Variants in ROS1 observed in about 807,000 individuals in gnomAD.
The protein encoded by ROS1 is proto-oncogene tyrosine-protein kinase ROS.
ROS1 carries 263 observed loss-of-function variants against 273.5 expected under a neutral mutation model. The observed-to-expected ratio is 0.96, with a 90% CI of 0.87 to 1.06. ROS1 has a LOEUF of 1.06. ROS1 is among the 50% of genes least tolerant of loss of function. The pLI is 0.00. For synonymous variants in ROS1, 1,008 were observed against 954.1 expected, an observed-to-expected ratio of 1.06 and a Z score of -1.04; for missense variants, 2,833 against 2,751.1, an observed-to-expected ratio of 1.03 and a Z score of -0.67.
chr6:117,391,277 T>C (rs1484489716), intron 12 of ROS1, among the ~76,000 whole-genome samples: 2 of 152,222 alleles, frequency 1.3e-5, no homozygotes, highest in African/African-American at 4.8e-5. Context: ...TTTTGTTTCC[T>C]AAATTCAAAA....
intron 23 of ROS1, 143 bp from the exon 24 acceptor site, chr6:117,360,154 A>G (rs1779669435): frequency 1.3e-6 from 1 of 775,962 alleles, no homozygotes; most frequent in Admixed American, 2.7e-5. Context: ...ATAACCTTGT[A>G]GGCTCTCTAC....
intron 18 of ROS1, among the ~76,000 whole-genome samples, chr6:117,373,980 G>T (rs1297779557): frequency 1.3e-5 from 2 of 152,214 alleles, no homozygotes; most frequent in Non-Finnish European, 2.9e-5. Context: ...ACTGCTGAAA[G>T]AAATCATAGA....
chr6:117,383,618 AC>A, intron 16 of ROS1, 110 bp from the exon 17 acceptor site: 2 of 867,284 alleles, frequency 2.3e-6, no homozygotes, highest in Non-Finnish European at 3.7e-6. Flanking sequence ...CATTCATTCA[AC>A]CACAAATAGT....
rs1404701119 is a variant in ROS1 at position 117,288,202 on chromosome 6, C to T, written c.*290G>A. On this transcript the variant is annotated 3_prime_UTR_variant, in exon 44 of 44. Coordinates refer to ENST00000368507, the MANE Select transcript of ROS1 (RefSeq NM_001378902.1). ...AAAGGTGGGTAAGAGCCTAAAGCACCTCAAGGGAGAAGGGAGAGCAGTGTT... is the reference window on the plus strand; with the variant it reads ...AAAGGTGGGTAAGAGCCTAAAGCACTTCAAGGGAGAAGGGAGAGCAGTGTT... 4.2e-5 allele frequency: 18 copies of T among 426,154 alleles called. No homozygotes were observed. The highest frequency in any genetic ancestry group is 7.5e-5 in the Non-Finnish European group (18 of 239,786). 26.4% of individuals were successfully genotyped at this position (426,154 alleles called of 1,614,324 possible).
intron 27 of ROS1, among the ~76,000 whole-genome samples, chr6:117,345,060 A>G (rs1031668419): frequency 6.6e-6 from 1 of 152,242 alleles, no homozygotes; most frequent in African/African-American, 2.4e-5. Flanking sequence ...TGATTTTAAT[A>G]TGAAATCTAA....
intron 29 of ROS1, 108 bp downstream of exon 29, chr6:117,342,292 C>T (rs909801176): frequency 3.3e-5 from 36 of 1,095,442 alleles, no homozygotes; most frequent in Non-Finnish European, 4.6e-5. Flanking sequence ...CTTAAAAAAG[C>T]TTACTAAAAT....
At position 117,310,275 on chromosome 6, in the gene ROS1, C is replaced by A. The variant is rs1775439222; in HGVS notation, c.6222G>T (p.Leu2074=). The A allele has an allele frequency of 6.2e-7, 1 of 1,603,556 alleles. No homozygotes were observed. Among genetic ancestry groups the A allele is most frequent in the Admixed American group, 1.7e-5 (1 of 59,386 alleles). The change falls in exon 41 of 44, where the codon CTG becomes CTT. Residue 2074 remains leucine, a synonymous_variant. Coordinates refer to ENST00000368507, the MANE Select transcript of ROS1 (RefSeq NM_001378902.1). ...LERMHFIHRD[L]AARNCLVSVK... is the part of the protein sequence containing the mutation. ...CGGAAACAAGGCAATTTCTAGCTGC[C>A]AGATCCCTGTGGCAGAAGTTATATT... is the stretch of plus-strand genomic sequence containing the variant.
At chr6:117,346,870 T>C (rs1778421685) in intron 27 of ROS1, among the ~76,000 whole-genome samples, 1 of 152,110 alleles carries the variant, frequency 6.6e-6, no homozygotes, top group African/African-American at 2.4e-5. Context: ...ATAGTTCCAC[T>C]GCCTTCAAAG....
intron 32 of ROS1, among the ~76,000 whole-genome samples, chr6:117,330,587 C>G (rs1011732787): frequency 3.3e-5 from 5 of 152,134 alleles, no homozygotes; most frequent in African/African-American, 1.2e-4. Flanking sequence ...GGTTGGTGCC[C>G]CTTGAAGTCA....
At chr6:117,301,206 T>C in intron 42 of ROS1, 69 bp from the exon 43 acceptor site, 2 of 1,331,680 alleles carry the variant, frequency 1.5e-6, no homozygotes, top group Middle Eastern at 1.8e-4. Flanking sequence ...CCAGGTAGGG[T>C]CATTTTAGAA....
At chr6:117,296,652 T>G (rs553352339) in intron 43 of ROS1, among the ~76,000 whole-genome samples, 200 of 139,610 alleles carry the variant, frequency 1.4e-3, no homozygotes, top group Non-Finnish European at 2.5e-3. Flanking sequence ...TACCAGAAAC[T>G]GGGAAGGGTA....
chr6:117,325,549 AG>A (rs1562273291), intron 34 of ROS1, among the ~76,000 whole-genome samples: 1 of 152,196 alleles, frequency 6.6e-6, no homozygotes, highest in Admixed American at 6.5e-5. Flanking sequence ...TATTTCAGAG[AG>A]GGATTAAGTA....
chr6:117,326,328 T>C lies in ROS1; in HGVS notation c.5435A>G (p.Lys1812Arg). The C allele has an allele frequency of 6.2e-7, 1 of 1,603,082 alleles. No individual in the cohort carries two copies. The highest frequency in any genetic ancestry group is 8.5e-7 in the Non-Finnish European group (1 of 1,176,068). Reference protein sequence around the residue: ...NGSCSSVCTWKSKNLKGIFQF... With the variant: ...NGSCSSVCTWRSKNLKGIFQF... ...AAATATTCCTTTCAGGTTTTTGGAC[T>C]TCCATGTGCAAACACTACTGCAGGA... Residue 1812 changes from lysine (K) to arginine (R), a missense_variant, in exon 34 of 44, where the codon AAG becomes AGG. Lys to Arg is a conservative substitution (Grantham distance 26). Transcript: ENST00000368507.
At position 117,413,718 on chromosome 6, in the gene ROS1, A is replaced by T. The variant is rs555208385; in HGVS notation, c.255+801T>A. Among the ~76,000 whole-genome samples the T allele has an allele frequency of 4.6e-5, 7 of 152,326 alleles. No individual in the cohort carries two copies. In the South Asian group the frequency reaches 1.2e-3, roughly 27 times the overall value. ...AAATTACGGCCAGGCTTGGTGGCTC[A>T]TGCCTGTAATCCCAGCACTTCGGGA... On this transcript the variant is annotated intron_variant, in intron 4 of 43. Transcript: ENST00000368507.
At chr6:117,423,133 G>T (rs985200040) in intron 1 of ROS1, among the ~76,000 whole-genome samples, 1 of 152,126 alleles carries the variant, frequency 6.6e-6, no homozygotes, top group African/African-American at 2.4e-5. Context: ...GCATAAAAAT[G>T]ATACAATGGG....
At chr6:117,338,561 T>C (rs1317851617) in intron 31 of ROS1, among the ~76,000 whole-genome samples, 2 of 149,792 alleles carry the variant, frequency 1.3e-5, no homozygotes, top group African/African-American at 2.4e-5. Flanking sequence ...GTCTTAACTC[T>C]TTATGGTTCT....
Position 117,310,414 on chromosome 6 carries a change from A to T in ROS1, c.6216-133T>A, listed in dbSNP as rs1229445601. On this transcript the variant is annotated intron_variant, in intron 40 of 43. Transcript: ENST00000368507. ...TTTTTTACTTTAAGTTCTGGATTAC[A>T]TGTGCTGAACATGAAGTTTGTTACA... 7 of 619,270 alleles carry T rather than the reference A, an allele frequency of 1.1e-5. No individual in the cohort carries two copies. The East Asian group carries it at 2.0e-4, about 18-fold the overall frequency. 38.4% of individuals were successfully genotyped at this position (619,270 alleles called of 1,614,324 possible). A position where few individuals can be genotyped will look rare whatever the true frequency, so the allele number is the denominator to read the frequency against.
At chr6:117,424,997 T>A (rs1776033682) in intron 1 of ROS1, among the ~76,000 whole-genome samples, 1 of 152,126 alleles carries the variant, frequency 6.6e-6, no homozygotes, top group African/African-American at 2.4e-5. Context: ...GAAATGAGAA[T>A]GAAAGCATGA....
chr6:117,400,857 T>C (rs1017739686), intron 7 of ROS1, among the ~76,000 whole-genome samples: 1 of 152,206 alleles, frequency 6.6e-6, no homozygotes, highest in African/African-American at 2.4e-5. Flanking sequence ...AACTCCTAAA[T>C]TGGTAGTTTG....
Sources: gnomAD v4.1 joint callset for allele counts (sites outside exome capture counted in the v4.1 genomes callset) on GRCh38, gnomAD v4.1.1 for gene constraint, MANE v1.5 for transcripts, NCBI Gene and HGNC (gene_info 2026-07-23, HGNC 2026-07-21) for gene names.